The following PPARA variants were observed in gnomAD, a reference collection of about 807,000 sequenced individuals.
PPARA encodes peroxisome proliferator-activated receptor alpha.
PPARA carries 22 observed loss-of-function variants against 42.2 expected under a neutral mutation model. The observed-to-expected ratio is 0.52, with a 90% CI of 0.37 to 0.74. The LOEUF is 0.74. PPARA is among the 30% of genes least tolerant of loss of function. The probability of loss-of-function intolerance (pLI) is 0.00; values close to 1 mark genes in which losing one functional copy is unlikely to be tolerated. For synonymous variants in PPARA, 242 were observed against 239.3 expected, an observed-to-expected ratio of 1.01 and a Z score of -0.10; for missense variants, 465 against 608.2, an observed-to-expected ratio of 0.76 and a Z score of 2.48.
In PPARA at chr22:46,192,244, AT is replaced by A. The variant is rs956842713; in HGVS notation, c.-42-6096del. 2.4e-4 allele frequency among the ~76,000 whole-genome samples: 36 copies of A among 152,198 alleles called. No homozygotes were observed. Among genetic ancestry groups the A allele is most frequent in the African/African-American group, 7.7e-4 (32 of 41,460 alleles). ...CACAGATAATCAGGGCTACACCAGA[AT>A]TGGGCCCAAGATGCTGCAGGAATCT... On this transcript the variant is annotated intron_variant, in intron 3 of 8. Coordinates refer to ENST00000407236, the MANE Select transcript of PPARA (RefSeq NM_005036.6). This position sits in a 1 kb window ranked among gnomAD's most constrained non-coding sequence, Gnocchi z 4.3.
intron 4 of PPARA, among the ~76,000 whole-genome samples, chr22:46,205,972 G>A (rs1246114452): frequency 2.6e-5 from 4 of 151,950 alleles, no homozygotes; most frequent in Non-Finnish European, 4.4e-5. Flanking sequence ...TAACTGGTTT[G>A]TGTCTTTATA....
intron 3 of PPARA, among the ~76,000 whole-genome samples, chr22:46,178,096 G>A (rs1230796393): frequency 6.6e-6 from 1 of 152,144 alleles, no homozygotes; most frequent in Non-Finnish European, 1.5e-5. Context: ...CCTACCCAAA[G>A]AGGCATTTTA....
chr22:46,185,920 T>A (rs1237649380), intron 3 of PPARA, among the ~76,000 whole-genome samples: 1,561 of 11,180 alleles, frequency 0.14, 59 homozygotes, highest in Non-Finnish European at 0.16. Context: ...AAAAAAAATA[T>A]ATATATATAT....
In PPARA at chr22:46,195,894, C is replaced by T. The variant is rs61081435; in HGVS notation, c.-42-2448C>T. Among the ~76,000 whole-genome samples the T allele has an allele frequency of 6.6e-6, 1 of 152,164 alleles. No homozygotes were observed. Among genetic ancestry groups the T allele is most frequent in the African/African-American group, 2.4e-5 (1 of 41,440 alleles). ...GGAAGCTAAAGGTCACCTAGTCAGC[C>T]TCGTTGGGTGATTGATGACTCAGCT... On this transcript the variant is annotated intron_variant, in intron 3 of 8. Transcript: ENST00000407236. This position sits in a 1 kb window ranked among gnomAD's most constrained non-coding sequence, Gnocchi z 4.6.
rs558873324 is a variant in PPARA, at chr22:46,161,997, G to A, written c.-127+10027G>A. Among the ~76,000 whole-genome samples the A allele has an allele frequency of 1.8e-4, 28 of 152,240 alleles. No homozygotes were observed. Among genetic ancestry groups the A allele is most frequent in the Admixed American group, 1.2e-3 (19 of 15,278 alleles). ...TGTGTCTGATTCTGAGCTGTCCTGCGTTTTCCCCTCCCCTCACCCTGGCGA... is the reference window on the plus strand; with the variant it reads ...TGTGTCTGATTCTGAGCTGTCCTGCATTTTCCCCTCCCCTCACCCTGGCGA... On this transcript the variant is annotated intron_variant, in intron 2 of 8. Transcript: ENST00000407236. The surrounding 1 kb of genome is among the most constrained non-coding windows in gnomAD (Gnocchi z 4.8).
At chr22:46,168,210 G>T (rs905466072) in intron 2 of PPARA, among the ~76,000 whole-genome samples, 1 of 151,004 alleles carries the variant, frequency 6.6e-6, no homozygotes, top group African/African-American at 2.4e-5. Context: ...AAATTAGCCG[G>T]ACGTGGTGGT....
At chr22:46,217,197 G>T (rs879422870) in intron 5 of PPARA, among the ~76,000 whole-genome samples, 5 of 152,012 alleles carry the variant, frequency 3.3e-5, no homozygotes, top group Admixed American at 3.3e-4. Flanking sequence ...ACATTATGAA[G>T]ACGTCAGCCT....
chr22:46,179,162 A>C (rs1929589250), intron 3 of PPARA, among the ~76,000 whole-genome samples: 1 of 152,208 alleles, frequency 6.6e-6, no homozygotes, highest in South Asian at 2.1e-4. Flanking sequence ...TACCTCCCAA[A>C]GGCTACCTTC....
rs183928386 is a variant in PPARA at position 46,214,451 on chromosome 22, G to A, written c.209-722G>A. ...ATGTGGAGGGCTAGGAGATGCGTGGGTCCGGAGATGCGCAGATCAGGAGAT... is the reference window on the plus strand; with the variant it reads ...ATGTGGAGGGCTAGGAGATGCGTGGATCCGGAGATGCGCAGATCAGGAGAT... On this transcript the variant is annotated intron_variant, in intron 4 of 8. Coordinates refer to ENST00000407236, the MANE Select transcript of PPARA (RefSeq NM_005036.6). Among the ~76,000 whole-genome samples, 7 of 152,056 alleles carry A rather than the reference G, an allele frequency of 4.6e-5. No individual in the cohort carries two copies. The East Asian group carries it at 1.2e-3, about 25-fold the overall frequency.
In PPARA at chr22:46,193,065, TTTGTTG is replaced by T. The variant is rs529914691; in HGVS notation, c.-42-5265_-42-5260del. 1.8e-3 allele frequency among the ~76,000 whole-genome samples: 273 copies of T among 152,172 alleles called. 3 individuals are homozygous for T. The highest frequency in any genetic ancestry group is 0.015 in the Admixed American group (229 of 15,268). Reference sequence around the variant, plus strand: ...TAAGACCCACTAGGTTTTTTGTTGTTTTGTTGTTGTTGTTGTTTTGAGACAGAGTCT... The same window carrying T: ...TAAGACCCACTAGGTTTTTTGTTGTTTTGTTGTTGTTTTGAGACAGAGTCT... On this transcript the variant is annotated intron_variant, in intron 3 of 8. Transcript: ENST00000407236. This position sits in a 1 kb window ranked among gnomAD's most constrained non-coding sequence, Gnocchi z 5.3.
At chr22:46,198,741 G>A (rs4253708) in intron 4 of PPARA, 150 bp downstream of exon 4, 170,619 of 783,186 alleles carry the variant, frequency 0.22, 21,553 homozygotes, top group African/African-American at 0.43. Context: ...GCTCACTGCA[G>A]GCTCCACCTC....
At chr22:46,179,980 C>T (rs939008355) in intron 3 of PPARA, among the ~76,000 whole-genome samples, 2 of 152,188 alleles carry the variant, frequency 1.3e-5, no homozygotes, top group African/African-American at 4.8e-5. Context: ...TATCAGTCAT[C>T]AGAGCAATGC....
chr22:46,207,427 A>G (rs8135879), intron 4 of PPARA, among the ~76,000 whole-genome samples: 19,636 of 149,040 alleles, frequency 0.13, 4,114 homozygotes, highest in African/African-American at 0.45. Context: ...GATTACAGGC[A>G]CCCACCACCA....
At chr22:46,189,533 A>G (rs1931252971) in intron 3 of PPARA, among the ~76,000 whole-genome samples, 1 of 152,162 alleles carries the variant, frequency 6.6e-6, no homozygotes, top group African/African-American at 2.4e-5. Flanking sequence ...TATGCAAACT[A>G]TTTATGATGT....
In PPARA at chr22:46,204,961, G is replaced by A. The variant is rs531874283; in HGVS notation, c.208+6370G>A. ...TGGCTTACTGCAGCCTTGACCTCTT[G>A]GGCTCAGGAAACCCTCCGACCTCAG... On this transcript the variant is annotated intron_variant, in intron 4 of 8. Coordinates refer to ENST00000407236, the MANE Select transcript of PPARA (RefSeq NM_005036.6). This position sits in a 1 kb window ranked among gnomAD's most constrained non-coding sequence, Gnocchi z 5.2. Among the ~76,000 whole-genome samples, 58 of 151,930 alleles carry A rather than the reference G, an allele frequency of 3.8e-4. No homozygotes were observed. The highest frequency in any genetic ancestry group is 1.3e-3 in the African/African-American group (55 of 41,444).
intron 2 of PPARA, among the ~76,000 whole-genome samples, chr22:46,152,604 GTC>G (rs376278809): frequency 1.2e-4 from 18 of 152,294 alleles, no homozygotes; most frequent in Middle Eastern, 3.4e-3. Context: ...GTAGTGTACT[GTC>G]TCTGAGCTGT....
Position 46,242,660 on chromosome 22 carries a change from T to G in PPARA, c.*7280T>G, listed in dbSNP as rs1936403253. The G allele has an allele frequency of 6.6e-6, 1 of 152,394 alleles. No homozygotes were observed. Among genetic ancestry groups the G allele is most frequent in the African/African-American group, 2.4e-5 (1 of 41,426 alleles). The allele number at this position is 152,394 out of a possible 1,614,324, so 9.4% of individuals were successfully genotyped here. A position where few individuals can be genotyped will look rare whatever the true frequency, so the allele number is the denominator to read the frequency against. On this transcript the variant is annotated 3_prime_UTR_variant, in exon 9 of 9. Coordinates refer to ENST00000407236, the MANE Select transcript of PPARA (RefSeq NM_005036.6). This position sits in a 1 kb window ranked among gnomAD's most constrained non-coding sequence, Gnocchi z 6.1. ...TGACTCATATTCTTAAAAGCCTGGC[T>G]CTTGACCCTATTGGAAACACAAAGG...
At chr22:46,174,266 G>GAAGGAAGGAAGGAAAGGAAGGAAGGAAGA (rs1555935220) in intron 2 of PPARA, among the ~76,000 whole-genome samples, 6 of 64,760 alleles carry the variant, frequency 9.3e-5, no homozygotes, top group African/African-American at 3.0e-4. Context: ...AGGAAGGAAG[G>GAAGGAAGGAAGGAAAGGAAGGAAGGAAGA]AAGGAAGGAA....
chr22:46,160,443 C>T lies in PPARA; in HGVS notation c.-127+8473C>T, dbSNP rs926632363. On this transcript the variant is annotated intron_variant, in intron 2 of 8. Transcript: ENST00000407236. This position sits in a 1 kb window ranked among gnomAD's most constrained non-coding sequence, Gnocchi z 4.5. ...TCCTACATAGCTGGTACTACAGGCA[C>T]GCGCCACCATGCCTGGCTAAATTGT... is the stretch of plus-strand genomic sequence containing the variant. Among the ~76,000 whole-genome samples the T allele has an allele frequency of 6.6e-6, 1 of 151,974 alleles. No homozygotes were observed. Among genetic ancestry groups the T allele is most frequent in the Non-Finnish European group, 1.5e-5 (1 of 68,002 alleles).
Sources: gnomAD v4.1 joint callset for allele counts (sites outside exome capture counted in the v4.1 genomes callset) on GRCh38, gnomAD v4.1.1 for gene constraint, Gnocchi (gnomAD v3.1) non-coding constraint, MANE v1.5 for transcripts, NCBI Gene and HGNC (gene_info 2026-07-23, HGNC 2026-07-21) for gene names.